Variants in FGF22 observed in about 807,000 individuals in gnomAD.
FGF22 encodes fibroblast growth factor 22.
Under a neutral mutation model 10.3 loss-of-function variants are expected in FGF22, and 11 were observed. The ratio of observed to expected loss-of-function variants is 1.07; its 90% confidence interval spans 0.67 to 1.77. The LOEUF (loss-of-function observed/expected upper bound fraction) is 1.77. FGF22 is among the 40% of genes most tolerant of loss of function. The pLI is 0.00. For synonymous variants in FGF22, 136 were observed against 122.1 expected (o/e 1.11, Z -0.75); for missense variants, 317 against 273.2 (o/e 1.16, Z -1.13).
chr19:641,963 C>A (rs1985915755), intron 1 of FGF22, among the ~76,000 whole-genome samples: 1 of 152,138 alleles, frequency 6.6e-6, no homozygotes, highest in Non-Finnish European at 1.5e-5. Context: ...AGGGCTCACC[C>A]AGGGCTACCC....
exon 3 of FGF22, chr19:644,117 C>T: frequency 5.9e-6 from 1 of 168,162 alleles, no homozygotes; most frequent in Non-Finnish European, 1.3e-5. Context: ...AGTGTCCTCA[C>T]AGGGTCCTCA....
chr19:639,893 G>A, exon 1 of FGF22: 2 of 1,190,416 alleles, frequency 1.7e-6, no homozygotes, highest in East Asian at 3.7e-5. Context: ...ACGCCCGGGA[G>A]CGACGAGCGC....
intron 1 of FGF22, chr19:641,070 G>A (rs983784569): frequency 8.5e-5 from 36 of 421,188 alleles, no homozygotes; most frequent in South Asian, 1.0e-4. Context: ...TCCAAGCCTC[G>A]GTTTCCCCAG....
exon 3 of FGF22, chr19:643,703 G>A (rs1985993150): frequency 2.8e-6 from 3 of 1,064,320 alleles, no homozygotes; most frequent in Admixed American, 5.7e-5. Flanking sequence ...AGCGCTGAGT[G>A]CCCACCGTGT....
chr19:643,249 C>G (rs150121578), exon 2 of FGF22: 3 of 1,611,232 alleles, frequency 1.9e-6, no homozygotes, highest in Non-Finnish European at 2.5e-6. Flanking sequence ...CCTGGAGATC[C>G]GCTCTGTACA....
At chr19:644,019 T>G (rs1986004138) in exon 3 of FGF22, 1 of 228,586 alleles carries the variant, frequency 4.4e-6, no homozygotes, top group Admixed American at 5.2e-5. Flanking sequence ...GTCCCGGGAA[T>G]CTGCAAATAC....
intron 1 of FGF22, among the ~76,000 whole-genome samples, chr19:641,904 C>A (rs1985914362): frequency 6.6e-6 from 1 of 152,122 alleles, no homozygotes; most frequent in Non-Finnish European, 1.5e-5. Context: ...GGAGTGGCGG[C>A]TGGCCCCAGG....
At chr19:643,804 G>A in exon 3 of FGF22, 1 of 577,784 alleles carries the variant, frequency 1.7e-6, no homozygotes, top group South Asian at 2.2e-5. Context: ...CCTGAGTTGG[G>A]GACCTCGAGG....
chr19:640,466 CG>C lies in FGF22; in HGVS notation c.214+333del, dbSNP rs11572855. On this transcript the variant is annotated intron_variant, in intron 1 of 2. Coordinates refer to ENST00000215530, the Ensembl canonical transcript of FGF22. ...AGGCCCAGCTGCATGGCGGAAGCGG[CG>C]GGGGGCTGACCTCCGGACTCCTGAC... The C allele has an allele frequency of 9.5e-3, 2,255 of 236,938 alleles. 18 individuals carry two copies. Among genetic ancestry groups the C allele is most frequent in the Middle Eastern group, 0.042 (33 of 782 alleles). 14.7% of individuals were successfully genotyped at this position (236,938 alleles called of 1,614,324 possible). A position where few individuals can be genotyped will look rare whatever the true frequency, so the allele number is the denominator to read the frequency against.
chr19:641,504 G>A (rs1600615086), intron 1 of FGF22: 1 of 320,394 alleles, frequency 3.1e-6, no homozygotes, highest in Non-Finnish European at 6.3e-6. Flanking sequence ...GAAGCCGGGA[G>A]GTGGAGCTTG....
exon 1 of FGF22, chr19:639,946 G>T: frequency 8.1e-7 from 1 of 1,230,848 alleles, no homozygotes; most frequent in Non-Finnish European, 1.0e-6. Flanking sequence ...GCCTGTGGCT[G>T]GGCCTGGCCT....
chr19:643,149 C>T, intron 1 of FGF22, 86 bp from the exon 2 acceptor site: 1 of 985,778 alleles, frequency 1.0e-6, no homozygotes, highest in Non-Finnish European at 1.6e-6. Context: ...CTGTCGTGGT[C>T]CTGAGGGCCC....
At chr19:640,932 A>G (rs1985877541) in intron 1 of FGF22, 2 of 332,418 alleles carry the variant, frequency 6.0e-6, no homozygotes, top group South Asian at 4.6e-5. Context: ...ATTAGGCCGC[A>G]CGTGACGAGG....
chr19:641,501 G>C, intron 1 of FGF22: 1 of 322,110 alleles, frequency 3.1e-6, no homozygotes, highest in South Asian at 2.4e-5. Context: ...CGTGAAGCCG[G>C]GAGGTGGAGC....
chr19:643,360 G>C, intron 2 of FGF22, 22 bp downstream of exon 2: 2 of 1,603,512 alleles, frequency 1.2e-6, no homozygotes, highest in Non-Finnish European at 1.7e-6. Context: ...GCAGGGCTGG[G>C]CGGCGCGGGC....
exon 2 of FGF22, chr19:643,290 C>T (rs1985967749): frequency 1.2e-6 from 2 of 1,611,796 alleles, no homozygotes; most frequent in East Asian, 2.2e-5. Context: ...AAGCAGTGTC[C>T]TCAGGCTTCT....
intron 1 of FGF22, chr19:640,882 CT>C (rs1985876194): frequency 3.4e-6 from 1 of 297,978 alleles, no homozygotes; most frequent in South Asian, 2.9e-5. Context: ...TAATCACCCC[CT>C]GTCCTTCCCA....
exon 1 of FGF22, chr19:640,036 G>A (rs897086038): frequency 1.8e-5 from 25 of 1,404,808 alleles, no homozygotes; most frequent in African/African-American, 1.3e-4. Context: ...CGCACCTGGA[G>A]GGCGACGTGC....
rs1161116731 is a variant in FGF22 at position 639,929 on chromosome 19, C to T, written c.4C>T (p.Arg2Cys). ...GCAGCGAACCGGGTGCCGGGTCATG[C>T]GCCGCCGCCTGTGGCTGGGCCTGGC... The change falls in exon 1 of 3, where the codon CGC (arginine) becomes TGC (cysteine). Residue 2 changes from arginine to cysteine, a missense_variant. Arg to Cys is a radical substitution (Grantham distance 180). Transcript: ENST00000215530. 3 of 1,223,656 alleles carry T rather than the reference C, an allele frequency of 2.5e-6. No individual in the cohort carries two copies. In the East Asian group the frequency reaches 1.0e-4, roughly 42 times the overall value. 75.8% of individuals were successfully genotyped at this position (1,223,656 alleles called of 1,614,324 possible).
Sources: gnomAD v4.1 joint callset for allele counts (sites outside exome capture counted in the v4.1 genomes callset) on GRCh38, gnomAD v4.1.1 for gene constraint, MANE v1.5 for transcripts, NCBI Gene and HGNC (gene_info 2026-07-23, HGNC 2026-07-21) for gene names.